The following SHANK2 variants were observed in gnomAD, a reference collection of about 807,000 sequenced individuals.
SHANK2 encodes the protein SH3 and multiple ankyrin repeat domains protein 2.
Under a neutral mutation model 133.7 loss-of-function variants are expected in SHANK2, and 43 were observed. The observed-to-expected ratio is 0.32, with a 90% CI of 0.25 to 0.41. The LOEUF is 0.41. Ranked by LOEUF, SHANK2 falls within the 10% of genes least tolerant of loss-of-function variation. The pLI, the probability that SHANK2 is intolerant of heterozygous loss-of-function variation, is 1.00. For missense variants in SHANK2, 1,994 were observed against 2,235.8 expected, an observed-to-expected ratio of 0.89 and a Z score of 2.18; for synonymous variants, 1,017 against 952.8, an observed-to-expected ratio of 1.07 and a Z score of -1.24.
At chr11:71,145,583 G>A (rs1364908946) in intron 3 of SHANK2, among the ~76,000 whole-genome samples, 2 of 152,194 alleles carry the variant, frequency 1.3e-5, no homozygotes, top group Non-Finnish European at 2.9e-5. Flanking sequence ...TGCTGGCACT[G>A]GGGGAAGAGG....
At chr11:70,782,384 T>C (rs1480983866) in intron 14 of SHANK2, among the ~76,000 whole-genome samples, 2 of 152,216 alleles carry the variant, frequency 1.3e-5, no homozygotes, top group African/African-American at 4.8e-5. Context: ...GTCACCATTT[T>C]AAGTGGAAAA....
At position 70,807,233 on chromosome 11, in the gene SHANK2, C is replaced by T. The variant is rs1402033381; in HGVS notation, c.1494-62G>A. Reference sequence around the variant, plus strand: ...GAGTCACAAGGTCACAAGCCACATGCCACAAACCACAGCCAAGCCATTCAA... The same window carrying T: ...GAGTCACAAGGTCACAAGCCACATGTCACAAACCACAGCCAAGCCATTCAA... On this transcript the variant is annotated intron_variant, in intron 12 of 25. Transcript: ENST00000601538. This position sits in a 1 kb window ranked among gnomAD's most constrained non-coding sequence, Gnocchi z 4.8. 4.3e-5 allele frequency: 30 copies of T among 693,496 alleles called. No homozygotes were observed. In the East Asian group the frequency reaches 8.1e-4, roughly 19 times the overall value. The allele number at this position is 693,496 out of a possible 1,614,324, so 43.0% of individuals were successfully genotyped here. A position where few individuals can be genotyped will look rare whatever the true frequency, so the allele number is the denominator to read the frequency against.
intron 11 of SHANK2, among the ~76,000 whole-genome samples, chr11:70,840,572 C>G (rs1948887999): frequency 6.6e-6 from 1 of 152,176 alleles, no homozygotes; most frequent in South Asian, 2.1e-4. Flanking sequence ...AAGGTGGAGA[C>G]CTGGGAGGGG....
intron 2 of SHANK2, among the ~76,000 whole-genome samples, chr11:71,179,457 T>A (rs4340077): frequency 6.6e-6 from 1 of 152,080 alleles, no homozygotes; most frequent in African/African-American, 2.4e-5. Flanking sequence ...AAGGGAGTCT[T>A]CTCAGCCTGA....
intron 14 of SHANK2, among the ~76,000 whole-genome samples, chr11:70,774,427 C>A (rs1343376428): frequency 2.0e-5 from 3 of 152,024 alleles, no homozygotes; most frequent in African/African-American, 7.2e-5. Context: ...TCAAGCAATT[C>A]TCCTGCCTCC....
At position 70,678,532 on chromosome 11, in the gene SHANK2, C is replaced by CTTTTTTTTTTT. The variant is rs34446408; in HGVS notation, c.1854-16865_1854-16855dup. 3.5e-4 allele frequency among the ~76,000 whole-genome samples: 27 copies of CTTTTTTTTTTT among 77,070 alleles called. 2 individuals are homozygous for CTTTTTTTTTTT. Among genetic ancestry groups the CTTTTTTTTTTT allele is most frequent in the African/African-American group, 1.3e-3 (26 of 20,342 alleles). The allele number at this position is 77,070 out of a possible 152,430, so 50.6% of individuals were successfully genotyped here. A position where few individuals can be genotyped will look rare whatever the true frequency, so the allele number is the denominator to read the frequency against. ...TCATTTCCAGTCTGCTAAGAACAGGCTTTTTTTTTTTTTTTTTTTTTTTGA... is the reference window on the plus strand; with the variant it reads ...TCATTTCCAGTCTGCTAAGAACAGGCTTTTTTTTTTTTTTTTTTTTTTTTTTTTTTTTTTGA... On this transcript the variant is annotated intron_variant, in intron 15 of 25. Transcript: ENST00000601538.
At chr11:70,528,147 C>T (rs1206701062) in intron 17 of SHANK2, among the ~76,000 whole-genome samples, 2 of 152,262 alleles carry the variant, frequency 1.3e-5, no homozygotes, top group East Asian at 1.9e-4. Context: ...TGCACCTCGG[C>T]GTGATGCTGC....
chr11:71,090,350 C>CTGTGTGTATG (rs1345988112), intron 8 of SHANK2, among the ~76,000 whole-genome samples: 5 of 7,730 alleles, frequency 6.5e-4, no homozygotes, highest in African/African-American at 3.0e-3. Context: ...AACACAACCT[C>CTGTGTGTATG]TGTGTGTGTG....
intron 6 of SHANK2, among the ~76,000 whole-genome samples, chr11:71,102,238 ACT>A (rs2135170062): frequency 6.6e-6 from 1 of 151,436 alleles, no homozygotes; most frequent in East Asian, 1.9e-4. Flanking sequence ...GAGGCCTGAG[ACT>A]CTGCTGGAGG....
chr11:71,216,483 G>A (rs1031345451), intron 2 of SHANK2, among the ~76,000 whole-genome samples: 25 of 152,158 alleles, frequency 1.6e-4, no homozygotes, highest in African/African-American at 6.0e-4. Context: ...AGGGATTCAG[G>A]AGGAGGGAGT....
intron 17 of SHANK2, among the ~76,000 whole-genome samples, chr11:70,541,377 G>A (rs1322229166): frequency 6.6e-6 from 1 of 152,250 alleles, no homozygotes; most frequent in Non-Finnish European, 1.5e-5. Flanking sequence ...ACCATCCTTG[G>A]CTTCATCAAG....
intron 17 of SHANK2, among the ~76,000 whole-genome samples, chr11:70,589,069 G>A (rs550128830): frequency 1.8e-4 from 27 of 152,272 alleles, no homozygotes; most frequent in African/African-American, 6.0e-4. Flanking sequence ...CTTCCACCTC[G>A]GCCTCCCAAA....
At chr11:70,587,698 G>GTTTT (rs34539549) in intron 17 of SHANK2, among the ~76,000 whole-genome samples, 30 of 119,730 alleles carry the variant, frequency 2.5e-4, no homozygotes, top group African/African-American at 5.3e-4. Flanking sequence ...AGCACGTCCA[G>GTTTT]TTTTTTTTTT....
intron 17 of SHANK2, among the ~76,000 whole-genome samples, chr11:70,609,652 T>G (rs1391966000): frequency 6.6e-6 from 1 of 151,912 alleles, no homozygotes; most frequent in Non-Finnish European, 1.5e-5. Flanking sequence ...ATATCTATAT[T>G]GTATATTGTA....
chr11:70,947,395 C>T (rs970391209), intron 10 of SHANK2, among the ~76,000 whole-genome samples: 1 of 150,920 alleles, frequency 6.6e-6, no homozygotes, highest in Non-Finnish European at 1.5e-5. Flanking sequence ...GTCCGTCACC[C>T]AGACTGGAGT....
intron 17 of SHANK2, among the ~76,000 whole-genome samples, chr11:70,564,548 C>T (rs1365439789): frequency 1.3e-5 from 2 of 152,194 alleles, no homozygotes; most frequent in East Asian, 1.9e-4. Context: ...GCATGAGCCA[C>T]CGCACCCAGC....
chr11:71,074,354 C>G (rs972747722), intron 9 of SHANK2, among the ~76,000 whole-genome samples: 21 of 152,172 alleles, frequency 1.4e-4, no homozygotes, highest in African/African-American at 2.2e-4. Flanking sequence ...GGCAGGCACA[C>G]CCAGCATGGT....
rs1283112182 is a variant in SHANK2, at chr11:70,807,944, G to A, written c.1494-773C>T. On this transcript the variant is annotated intron_variant, in intron 12 of 25. Coordinates refer to ENST00000601538, the MANE Select transcript of SHANK2 (RefSeq NM_012309.5). The surrounding 1 kb of genome is among the most constrained non-coding windows in gnomAD (Gnocchi z 4.8). ...ACAGACTGTGTGATCCCAGCCATGC[G>A]AGGGCCCGAGAGCAGTCAGATTCAT... 2.6e-5 allele frequency among the ~76,000 whole-genome samples: 4 copies of A among 152,162 alleles called. No individual in the cohort carries two copies. Among genetic ancestry groups the A allele is most frequent in the East Asian group, 1.9e-4 (1 of 5,184 alleles).
intron 6 of SHANK2, among the ~76,000 whole-genome samples, chr11:71,108,018 A>G (rs1555098259): frequency 2.0e-5 from 3 of 152,190 alleles, no homozygotes. Context: ...CAAGATGAAG[A>G]CATAAGTGGC....
Sources: gnomAD v4.1 joint callset for allele counts (sites outside exome capture counted in the v4.1 genomes callset) on GRCh38, gnomAD v4.1.1 for gene constraint, Gnocchi (gnomAD v3.1) non-coding constraint, MANE v1.5 for transcripts, NCBI Gene and HGNC (gene_info 2026-07-23, HGNC 2026-07-21) for gene names.